The following EPB41L4A variants were observed in gnomAD, a reference collection of about 807,000 sequenced individuals.
EPB41L4A encodes erythrocyte membrane protein band 4.1 like 4A, also known as band 4.1-like protein 4A.
EPB41L4A carries 100 observed loss-of-function variants against 108.6 expected under a neutral mutation model. The observed-to-expected ratio is 0.92, with a 90% CI of 0.78 to 1.09. The LOEUF (loss-of-function observed/expected upper bound fraction) is 1.09. EPB41L4A is among the 50% of genes least tolerant of loss of function. The pLI, the probability that EPB41L4A is intolerant of heterozygous loss-of-function variation, is 0.00. For missense variants in EPB41L4A, 1,030 were observed against 842.7 expected, an observed-to-expected ratio of 1.22 and a Z score of -2.75; for synonymous variants, 319 against 289.0, an observed-to-expected ratio of 1.10 and a Z score of -1.05.
intron 1 of EPB41L4A, among the ~76,000 whole-genome samples, chr5:112,365,152 GC>G (rs1344004815): frequency 6.6e-6 from 1 of 152,052 alleles, no homozygotes; most frequent in Non-Finnish European, 1.5e-5. Context: ...ATCTTAATAG[GC>G]CTGAATTATA....
chr5:112,331,416 C>T (rs1012358713), intron 1 of EPB41L4A, among the ~76,000 whole-genome samples: 2 of 152,230 alleles, frequency 1.3e-5, no homozygotes, highest in Non-Finnish European at 2.9e-5. Context: ...AAATTCACTT[C>T]CTGCTTTCCT....
chr5:112,156,376 T>C (rs1432570207), intron 12 of EPB41L4A, among the ~76,000 whole-genome samples: 1 of 152,106 alleles, frequency 6.6e-6, no homozygotes, highest in Non-Finnish European at 1.5e-5. Context: ...AGGCCAGTGG[T>C]ATAGCCAGAG....
chr5:112,270,625 T>A (rs1752199807), intron 4 of EPB41L4A, among the ~76,000 whole-genome samples: 1 of 152,134 alleles, frequency 6.6e-6, no homozygotes. Flanking sequence ...GTTCACAAAG[T>A]CCTTTCGCTT....
chr5:112,211,039 C>T (rs75683060), intron 12 of EPB41L4A, among the ~76,000 whole-genome samples: 4,947 of 152,112 alleles, frequency 0.033, 307 homozygotes, highest in African/African-American at 0.11. Context: ...AAGCGCTTCA[C>T]ATCTATTTAC....
chr5:112,223,206 C>G (rs1748195652), intron 12 of EPB41L4A, among the ~76,000 whole-genome samples: 1 of 152,102 alleles, frequency 6.6e-6, no homozygotes, highest in African/African-American at 2.4e-5. Context: ...TCCCAAAGTG[C>G]TGGAATTACA....
In EPB41L4A at chr5:112,168,676, C is replaced by T. The variant is rs1050399573; in HGVS notation, c.1932+63G>A. 4 of 1,360,528 alleles carry T rather than the reference C, an allele frequency of 2.9e-6. No individual in the cohort carries two copies. The African/African-American group carries it at 4.3e-5, about 15-fold the overall frequency. The allele number at this position is 1,360,528 out of a possible 1,614,324, so 84.3% of individuals were successfully genotyped here. On this transcript the variant is annotated intron_variant, in intron 22 of 22. Coordinates refer to ENST00000261486, the MANE Select transcript of EPB41L4A (RefSeq NM_022140.5). ...ACCTCCCTAAAGGAACTTTCCAAAG[C>T]ACAAAATGCTTCTCAAAATTGTCAT...
intron 6 of EPB41L4A, chr5:112,263,420 ACAC>A (rs2150449074): frequency 6.6e-6 from 1 of 152,344 alleles, no homozygotes; most frequent in Non-Finnish European, 1.5e-5. Flanking sequence ...CAAATTAGAC[ACAC>A]CACACTTTGA....
chr5:112,289,023 G>A (rs529815281), intron 2 of EPB41L4A, among the ~76,000 whole-genome samples: 91 of 152,176 alleles, frequency 6.0e-4, no homozygotes, highest in African/African-American at 2.1e-3. Flanking sequence ...ATAATTTTTG[G>A]TCAGAGGAAT....
At chr5:112,380,299 C>T (rs1245946763) in intron 1 of EPB41L4A, among the ~76,000 whole-genome samples, 16 of 152,152 alleles carry the variant, frequency 1.1e-4, no homozygotes, top group Admixed American at 5.9e-4. Context: ...TTATAAATAA[C>T]GTTTCCTCTC....
intron 12 of EPB41L4A, among the ~76,000 whole-genome samples, chr5:112,151,623 G>A (rs1759472577): frequency 6.6e-6 from 1 of 151,884 alleles, no homozygotes; most frequent in Non-Finnish European, 1.5e-5. Flanking sequence ...GCCAAGGCTG[G>A]TCTCAAAATC....
chr5:112,410,950 G>A (rs1762374264), intron 1 of EPB41L4A, among the ~76,000 whole-genome samples: 1 of 152,188 alleles, frequency 6.6e-6, no homozygotes, highest in African/African-American at 2.4e-5. Context: ...GATGAAATGA[G>A]AGAAGCTGGG....
intron 1 of EPB41L4A, among the ~76,000 whole-genome samples, chr5:112,352,655 C>G (rs899727385): frequency 6.6e-6 from 1 of 152,044 alleles, no homozygotes; most frequent in Non-Finnish European, 1.5e-5. Context: ...TTTTGTTTAT[C>G]TTTCATTCCT....
chr5:112,357,463 C>T (rs985185386), intron 1 of EPB41L4A, among the ~76,000 whole-genome samples: 2 of 152,216 alleles, frequency 1.3e-5, no homozygotes, highest in Admixed American at 6.5e-5. Context: ...ACACCTACTC[C>T]TAGCATACAA....
At chr5:112,251,536 C>A (rs1750669158) in intron 9 of EPB41L4A, among the ~76,000 whole-genome samples, 1 of 151,854 alleles carries the variant, frequency 6.6e-6, no homozygotes, top group African/African-American at 2.4e-5. Context: ...GTACAAAAAC[C>A]CATACAGTAT....
intron 12 of EPB41L4A, among the ~76,000 whole-genome samples, chr5:112,156,186 A>T (rs1309424352): frequency 2.2e-5 from 3 of 138,254 alleles, no homozygotes; most frequent in Non-Finnish European, 5.0e-5. Context: ...TTCTTAATTT[A>T]AAAAAAACTA....
chr5:112,253,797 G>C (rs865931861), intron 9 of EPB41L4A, among the ~76,000 whole-genome samples: 2 of 152,126 alleles, frequency 1.3e-5, no homozygotes, highest in African/African-American at 4.8e-5. Context: ...TATGTTCTTC[G>C]TAATATTTTA....
chr5:112,295,964 T>C (rs375200148), intron 2 of EPB41L4A, among the ~76,000 whole-genome samples: 6 of 152,214 alleles, frequency 3.9e-5, no homozygotes, highest in South Asian at 2.1e-4. Context: ...GTCTTAGGAA[T>C]AGAATTCCAA....
intron 1 of EPB41L4A, among the ~76,000 whole-genome samples, chr5:112,384,164 T>C (rs1282435649): frequency 6.6e-6 from 1 of 152,132 alleles, no homozygotes; most frequent in East Asian, 1.9e-4. Context: ...AAACAAGTTA[T>C]AAATTGACTG....
intron 1 of EPB41L4A, among the ~76,000 whole-genome samples, chr5:112,348,029 C>G (rs1400867195): frequency 6.6e-6 from 1 of 152,210 alleles, no homozygotes; most frequent in African/African-American, 2.4e-5. Context: ...CTATGTGGCT[C>G]AATTCCTCAG....
Sources: allele counts gnomAD v4.1 joint callset (sites outside exome capture counted in the v4.1 genomes callset), GRCh38; gene constraint gnomAD v4.1.1; transcripts MANE v1.5; gene names NCBI Gene and HGNC (gene_info 2026-07-23, HGNC 2026-07-21).